HS6ST3: variants seen among roughly 807,000 people sequenced by gnomAD.
HS6ST3 encodes heparan-sulfate 6-O-sulfotransferase 3.
In HS6ST3, 12 loss-of-function variants were observed where a neutral mutation model predicts 36.7. That is an observed-to-expected ratio of 0.33 (90% CI 0.21 to 0.53). HS6ST3 has a LOEUF of 0.53. Ranked by LOEUF, HS6ST3 falls within the 20% of genes least tolerant of loss-of-function variation. The probability of loss-of-function intolerance (pLI) is 0.95; values close to 1 mark genes in which losing one functional copy is unlikely to be tolerated. For synonymous variants in HS6ST3, 240 were observed against 257.5 expected (o/e 0.93, Z 0.65); for missense variants, 584 against 640.9 (o/e 0.91, Z 0.96).
At chr13:96,672,564 T>G (rs1048210930) in intron 1 of HS6ST3, among the ~76,000 whole-genome samples, 1 of 152,132 alleles carries the variant, frequency 6.6e-6, no homozygotes, top group African/African-American at 2.4e-5. Flanking sequence ...TTGAAGTCTG[T>G]TCATTGCTCT....
intron 1 of HS6ST3, among the ~76,000 whole-genome samples, chr13:96,611,037 T>C (rs1171202395): frequency 6.6e-6 from 1 of 151,682 alleles, no homozygotes; most frequent in African/African-American, 2.4e-5. Flanking sequence ...ATATCAATTC[T>C]CCTTTTCAGT....
intron 1 of HS6ST3, among the ~76,000 whole-genome samples, chr13:96,732,373 A>G (rs1266658447): frequency 6.6e-6 from 1 of 152,066 alleles, no homozygotes; most frequent in East Asian, 1.9e-4. Flanking sequence ...TAAGGGTCCA[A>G]ATTTATTATT....
chr13:96,230,586 G>A (rs1411365896), intron 1 of HS6ST3, among the ~76,000 whole-genome samples: 2 of 152,116 alleles, frequency 1.3e-5, no homozygotes, highest in Non-Finnish European at 2.9e-5. Flanking sequence ...TAGGAGAAGA[G>A]GAGGTCCAAG....
chr13:96,195,906 G>A (rs1267841262), intron 1 of HS6ST3, among the ~76,000 whole-genome samples: 1 of 152,142 alleles, frequency 6.6e-6, no homozygotes, highest in Non-Finnish European at 1.5e-5. Flanking sequence ...AACAGTACCT[G>A]GCATGTAGTA....
intron 1 of HS6ST3, among the ~76,000 whole-genome samples, chr13:96,290,945 G>A (rs556482353): frequency 6.6e-6 from 1 of 152,190 alleles, no homozygotes; most frequent in South Asian, 2.1e-4. Context: ...GCACTTGCTG[G>A]TAATGCCCTT....
chr13:96,668,562 A>G (rs953198813), intron 1 of HS6ST3, among the ~76,000 whole-genome samples: 3 of 151,920 alleles, frequency 2.0e-5, no homozygotes, highest in Non-Finnish European at 2.9e-5. Context: ...GCTACATTCT[A>G]TCCCATTCCT....
rs376057674 is a variant in HS6ST3 at position 96,553,605 on chromosome 13, G to A, written c.708-278885G>A. ...AGAGATAGGAAAGCATTCTCTTGGC[G>A]TTTAGGACAAGGAGACAAGGTTGGA... is the stretch of plus-strand genomic sequence containing the variant. On this transcript the variant is annotated intron_variant, in intron 1 of 1. Coordinates refer to ENST00000376705, the MANE Select transcript of HS6ST3 (RefSeq NM_153456.4). Among the ~76,000 whole-genome samples the A allele has an allele frequency of 8.5e-5, 13 of 152,128 alleles. No individual in the cohort carries two copies. The South Asian group carries it at 1.2e-3, about 15-fold the overall frequency.
chr13:96,112,892 C>G (rs1232961055), intron 1 of HS6ST3, among the ~76,000 whole-genome samples: 1 of 151,910 alleles, frequency 6.6e-6, no homozygotes, highest in Non-Finnish European at 1.5e-5. Context: ...GACACACATT[C>G]CATGGTAAGA....
intron 1 of HS6ST3, among the ~76,000 whole-genome samples, chr13:96,138,929 A>G (rs894420607): frequency 6.6e-6 from 1 of 152,148 alleles, no homozygotes; most frequent in Non-Finnish European, 1.5e-5. Flanking sequence ...CTGGGTATGC[A>G]TGATTATGGG....
chr13:96,494,672 CACAT>C (rs2055965699), intron 1 of HS6ST3, among the ~76,000 whole-genome samples: 2 of 152,008 alleles, frequency 1.3e-5, no homozygotes, highest in Admixed American at 1.3e-4. Flanking sequence ...CACACACACA[CACAT>C]ACACACACAC....
At chr13:96,442,639 C>T (rs1022639639) in intron 1 of HS6ST3, among the ~76,000 whole-genome samples, 17 of 151,954 alleles carry the variant, frequency 1.1e-4, no homozygotes, top group Admixed American at 2.0e-4. Flanking sequence ...GCCATGCATC[C>T]AAGGGAGAAG....
chr13:96,394,911 G>T (rs1174596134), intron 1 of HS6ST3, among the ~76,000 whole-genome samples: 2 of 152,124 alleles, frequency 1.3e-5, no homozygotes, highest in Admixed American at 6.6e-5. Flanking sequence ...TGAAACTAAT[G>T]GATATTTTTA....
intron 1 of HS6ST3, among the ~76,000 whole-genome samples, chr13:96,638,336 A>T (rs1215573011): frequency 2.0e-5 from 3 of 152,152 alleles, no homozygotes; most frequent in Non-Finnish European, 2.9e-5. Flanking sequence ...GAACTCAAAC[A>T]TTAAAAGGAA....
At chr13:96,152,146 T>C (rs2054087898) in intron 1 of HS6ST3, among the ~76,000 whole-genome samples, 1 of 152,150 alleles carries the variant, frequency 6.6e-6, no homozygotes, top group Admixed American at 6.5e-5. Context: ...TCTCTCAAGA[T>C]ATAAAGTTAC....
At chr13:96,138,180 G>A (rs1478586754) in intron 1 of HS6ST3, among the ~76,000 whole-genome samples, 1 of 152,100 alleles carries the variant, frequency 6.6e-6, no homozygotes, top group Non-Finnish European at 1.5e-5. Flanking sequence ...CACAGGAATT[G>A]AAATGTCACT....
At chr13:96,099,395 T>G (rs2139293954) in intron 1 of HS6ST3, among the ~76,000 whole-genome samples, 1 of 152,334 alleles carries the variant, frequency 6.6e-6, no homozygotes, top group South Asian at 2.1e-4. Flanking sequence ...ATGTTAATTC[T>G]TAGGATGCTG....
At chr13:96,596,357 A>C (rs1331220868) in intron 1 of HS6ST3, among the ~76,000 whole-genome samples, 1 of 152,192 alleles carries the variant, frequency 6.6e-6, no homozygotes, top group African/African-American at 2.4e-5. Context: ...TTATTAACTC[A>C]TCAGTTGATG....
chr13:96,283,746 A>T (rs1040354675), intron 1 of HS6ST3, among the ~76,000 whole-genome samples: 3 of 152,060 alleles, frequency 2.0e-5, no homozygotes, highest in African/African-American at 7.2e-5. Flanking sequence ...ACTCCTCCTT[A>T]TGGGACAGTG....
chr13:96,743,065 T>C (rs1256022736), intron 1 of HS6ST3, among the ~76,000 whole-genome samples: 1 of 152,130 alleles, frequency 6.6e-6, no homozygotes, highest in Non-Finnish European at 1.5e-5. Flanking sequence ...TTTTTTGTAA[T>C]GTTAGTACTT....
Sources: gnomAD v4.1 joint callset for allele counts (sites outside exome capture counted in the v4.1 genomes callset) on GRCh38, gnomAD v4.1.1 for gene constraint, MANE v1.5 for transcripts, NCBI Gene and HGNC (gene_info 2026-07-23, HGNC 2026-07-21) for gene names.